Variants in ASIC2 observed in about 807,000 individuals in gnomAD.
The protein encoded by ASIC2 is acid-sensing ion channel 2.
In ASIC2, 25 loss-of-function variants were observed where a neutral mutation model predicts 57.3. The ratio of observed to expected loss-of-function variants is 0.44; its 90% CI spans 0.32 to 0.61. The LOEUF (loss-of-function observed/expected upper bound fraction) is 0.61. Among genes scored for constraint, ASIC2 ranks in the 20% least tolerant of loss-of-function variants. The pLI is 0.06. For synonymous variants in ASIC2, 319 were observed against 307.5 expected (o/e 1.04, Z -0.39); for missense variants, 641 against 738.1 (o/e 0.87, Z 1.52).
At chr17:33,444,391 G>T (rs562865289) in intron 1 of ASIC2, among the ~76,000 whole-genome samples, 1 of 152,216 alleles carries the variant, frequency 6.6e-6, no homozygotes, top group Non-Finnish European at 1.5e-5. Flanking sequence ...ATGGAGGGGC[G>T]TAGAGTGGGT....
intron 1 of ASIC2, among the ~76,000 whole-genome samples, chr17:33,182,955 G>T (rs1031177952): frequency 2.0e-5 from 3 of 152,160 alleles, no homozygotes; most frequent in Non-Finnish European, 2.9e-5. Context: ...TGAGTGCACT[G>T]GTGAATTTTC....
intron 1 of ASIC2, among the ~76,000 whole-genome samples, chr17:33,783,985 G>A (rs747374729): frequency 2.1e-4 from 32 of 152,200 alleles, no homozygotes; most frequent in Non-Finnish European, 3.4e-4. Context: ...TTACCTGAGA[G>A]CCCAGAGCAC....
intron 1 of ASIC2, among the ~76,000 whole-genome samples, chr17:34,099,902 C>A (rs1262454870): frequency 1.3e-5 from 2 of 152,108 alleles, no homozygotes; most frequent in Non-Finnish European, 2.9e-5. Context: ...ACTGGCAGGT[C>A]ATACAGGGGC....
At chr17:34,108,347 G>C (rs141058813) in intron 1 of ASIC2, among the ~76,000 whole-genome samples, 1,705 of 152,088 alleles carry the variant, frequency 0.011, 32 homozygotes, top group African/African-American at 0.039. Flanking sequence ...ATGATAAATT[G>C]TCTTTATCAT....
chr17:33,919,279 G>T (rs1915656415), intron 1 of ASIC2, among the ~76,000 whole-genome samples: 2 of 152,100 alleles, frequency 1.3e-5, no homozygotes, highest in African/African-American at 2.4e-5. Flanking sequence ...GAGTCCAGTC[G>T]CTGATGAGCC....
chr17:33,045,050 C>A (rs1404028958), intron 3 of ASIC2, among the ~76,000 whole-genome samples: 1 of 152,156 alleles, frequency 6.6e-6, no homozygotes, highest in Non-Finnish European at 1.5e-5. Context: ...TACAGCAAGG[C>A]TGGCATGTGG....
At chr17:33,047,313 C>T (rs1002093355) in intron 3 of ASIC2, among the ~76,000 whole-genome samples, 2 of 151,988 alleles carry the variant, frequency 1.3e-5, no homozygotes, top group Non-Finnish European at 2.9e-5. Flanking sequence ...TCACATGGGG[C>T]GGAGCTACTT....
chr17:33,104,663 G>A (rs1308723418), intron 2 of ASIC2, among the ~76,000 whole-genome samples: 2 of 152,198 alleles, frequency 1.3e-5, no homozygotes, highest in East Asian at 3.8e-4. Flanking sequence ...TAGACAAGGA[G>A]GATGGCAGCA....
intron 1 of ASIC2, among the ~76,000 whole-genome samples, chr17:33,511,270 A>G (rs1196497319): frequency 2.6e-5 from 4 of 152,094 alleles, no homozygotes; most frequent in Non-Finnish European, 5.9e-5. Flanking sequence ...TCTCCAATAG[A>G]GGGTAGTTCC....
chr17:33,414,571 G>A (rs1437325971), intron 1 of ASIC2, among the ~76,000 whole-genome samples: 1 of 152,122 alleles, frequency 6.6e-6, no homozygotes, highest in Non-Finnish European at 1.5e-5. Context: ...CCTGCCTTGG[G>A]GCTCTCCTCT....
chr17:33,483,125 C>T (rs1913460618), intron 1 of ASIC2, among the ~76,000 whole-genome samples: 1 of 147,628 alleles, frequency 6.8e-6, no homozygotes, highest in Admixed American at 6.8e-5. Context: ...TCCTGCATCC[C>T]CACGCCACAC....
Position 34,098,984 on chromosome 17 carries a change from G to A in ASIC2, c.555+56994C>T, listed in dbSNP as rs1436589668. On this transcript the variant is annotated intron_variant, in intron 1 of 9. Coordinates refer to the ASIC2 transcript ENST00000359872. ...AGGTGAGGAAAAGCAGGCAAGTTTG[G>A]TGGGGGAGGTGACATTCAACAGGGA... 4.0e-5 allele frequency among the ~76,000 whole-genome samples: 6 copies of A among 151,840 alleles called. 1 individual carries two copies. The highest frequency in any genetic ancestry group is 3.3e-4 in the Admixed American group (5 of 15,222).
At chr17:33,644,645 T>G (rs1195575121) in intron 1 of ASIC2, among the ~76,000 whole-genome samples, 1 of 152,208 alleles carries the variant, frequency 6.6e-6, no homozygotes, top group Non-Finnish European at 1.5e-5. Context: ...TGCATTGTAT[T>G]GGGTTCAAAA....
intron 1 of ASIC2, among the ~76,000 whole-genome samples, chr17:33,216,906 A>G (rs1907511439): frequency 6.6e-6 from 1 of 152,120 alleles, no homozygotes; most frequent in Non-Finnish European, 1.5e-5. Context: ...AATTGAGGTG[A>G]GAAACAGTGA....
At chr17:33,737,657 A>G (rs888249597) in intron 1 of ASIC2, among the ~76,000 whole-genome samples, 2 of 142,176 alleles carry the variant, frequency 1.4e-5, no homozygotes, top group Admixed American at 1.5e-4. Context: ...TGTGTAAAAT[A>G]CCCCTAACAG....
intron 1 of ASIC2, among the ~76,000 whole-genome samples, chr17:33,502,142 G>A (rs1011943775): frequency 7.9e-5 from 12 of 152,180 alleles, no homozygotes; most frequent in Non-Finnish European, 1.3e-4. Flanking sequence ...GGATGGGCAA[G>A]GTAGGGCTAT....
At chr17:33,891,450 C>T (rs1023166850) in intron 1 of ASIC2, among the ~76,000 whole-genome samples, 4 of 152,220 alleles carry the variant, frequency 2.6e-5, no homozygotes, top group South Asian at 4.2e-4. Context: ...AGAAAAGATG[C>T]TATAATGAAC....
chr17:33,885,938 G>A (rs1267636078), intron 1 of ASIC2, among the ~76,000 whole-genome samples: 2 of 152,122 alleles, frequency 1.3e-5, no homozygotes, highest in Non-Finnish European at 2.9e-5. Flanking sequence ...ATTGCTTTGA[G>A]GACATAACTT....
intron 1 of ASIC2, among the ~76,000 whole-genome samples, chr17:33,475,942 A>G (rs1047779389): frequency 3.3e-5 from 5 of 152,204 alleles, no homozygotes; most frequent in Non-Finnish European, 7.3e-5. Context: ...CATCATTATA[A>G]TTATCAAAAT....
Sources: allele counts gnomAD v4.1 joint callset (sites outside exome capture counted in the v4.1 genomes callset), GRCh38; gene constraint gnomAD v4.1.1; transcripts MANE v1.5; gene names NCBI Gene and HGNC (gene_info 2026-07-23, HGNC 2026-07-21).